ITGAD: variants seen among roughly 807,000 people sequenced by gnomAD.
The protein encoded by ITGAD is integrin alpha-D.
Under a neutral mutation model 139.0 loss-of-function variants are expected in ITGAD, and 105 were observed. The ratio of observed to expected loss-of-function variants is 0.76; its 90% CI spans 0.65 to 0.89. ITGAD has a LOEUF of 0.89. ITGAD is among the 40% of genes least tolerant of loss of function. The pLI, the probability that ITGAD is intolerant of heterozygous loss-of-function variation, is 0.00. For missense variants in ITGAD, 1,384 were observed against 1,487.3 expected, an observed-to-expected ratio of 0.93 and a Z score of 1.14; for synonymous variants, 569 against 598.3, an observed-to-expected ratio of 0.95 and a Z score of 0.71.
rs147458627 is a variant in ITGAD, at chr16:31,411,365, C to T, written c.1555C>T (p.Arg519Cys). The T allele has an allele frequency of 1.0e-4, 166 of 1,613,824 alleles. No individual in the cohort carries two copies. In the African/African-American group the frequency reaches 1.0e-3, roughly 10 times the overall value. The change falls in exon 14 of 30, where the codon CGC (arginine) becomes TGC (cysteine). Residue 519 changes from arginine (R) to cysteine (C), a missense_variant. Arg to Cys is a radical substitution (Grantham distance 180). Transcript: ENST00000389202. ...TGGTGAGCAGGGCCACCCCTGGGGC[C>T]GCTTTGGGGCAGCCCTGACAGTGTT... Reference protein sequence around the residue: ...LRGEQGHPWGRFGAALTVLGD... With the variant: ...LRGEQGHPWGCFGAALTVLGD...
At chr16:31,395,694 C>T (rs891731511) in intron 2 of ITGAD, among the ~76,000 whole-genome samples, 1 of 152,120 alleles carries the variant, frequency 6.6e-6, no homozygotes, top group African/African-American at 2.4e-5. Flanking sequence ...CTCACATTCT[C>T]CTGTCCCAGA....
chr16:31,425,886 G>T, intron 29 of ITGAD, 129 bp from the exon 30 acceptor site: 1 of 602,524 alleles, frequency 1.7e-6, no homozygotes, highest in Non-Finnish European at 3.0e-6. Context: ...TCACCATGTT[G>T]GCCAGGCTGG....
chr16:31,399,748 G>C (rs749408193), intron 5 of ITGAD, among the ~76,000 whole-genome samples: 57 of 152,202 alleles, frequency 3.7e-4, no homozygotes, highest in Non-Finnish European at 5.4e-4. Flanking sequence ...TGCAGGCAAG[G>C]GGGGTGTGGG....
chr16:31,398,006 G>A, intron 5 of ITGAD, 97 bp downstream of exon 5: 1 of 872,852 alleles, frequency 1.1e-6, no homozygotes, highest in Non-Finnish European at 1.8e-6. Context: ...TGCCCTCCCT[G>A]GAGGGCCGAG....
In ITGAD at chr16:31,403,305, C is replaced by T. The variant is rs1273524059; in HGVS notation, c.559-195C>T. On this transcript the variant is annotated intron_variant, in intron 6 of 29. Transcript: ENST00000389202. The surrounding 1 kb of genome is among the most constrained non-coding windows in gnomAD (Gnocchi z 4.4). ...CCTGGGCAACATAGTGAGACCTTGTCTCTACCAAAAACAAAACAAAACAAA... is the reference window on the plus strand; with the variant it reads ...CCTGGGCAACATAGTGAGACCTTGTTTCTACCAAAAACAAAACAAAACAAA... 9 of 603,280 alleles carry T rather than the reference C, an allele frequency of 1.5e-5. No homozygotes were observed. The highest frequency in any genetic ancestry group is 2.0e-5 in the Non-Finnish European group (7 of 351,886). 37.4% of individuals were successfully genotyped at this position (603,280 alleles called of 1,614,324 possible).
chr16:31,418,955 C>T (rs1205982549), intron 23 of ITGAD, among the ~76,000 whole-genome samples: 69 of 143,830 alleles, frequency 4.8e-4, no homozygotes, highest in East Asian at 2.1e-4. Context: ...ATCCGGGAGG[C>T]GGAGGTTGCA....
chr16:31,410,180 C>T (rs1203133936), intron 10 of ITGAD, among the ~76,000 whole-genome samples: 17 of 152,074 alleles, frequency 1.1e-4, no homozygotes, highest in Admixed American at 1.1e-3. Context: ...CAGTGGTGAG[C>T]ACAGCGGGGG....
At chr16:31,412,103 T>C (rs1032069231) in intron 14 of ITGAD, among the ~76,000 whole-genome samples, 1 of 150,892 alleles carries the variant, frequency 6.6e-6, no homozygotes, top group Non-Finnish European at 1.5e-5. Flanking sequence ...AGAGTCTCAC[T>C]CTGTCGCCCA....
intron 5 of ITGAD, among the ~76,000 whole-genome samples, chr16:31,399,482 G>C (rs1597110239): frequency 6.6e-6 from 1 of 152,134 alleles, no homozygotes; most frequent in African/African-American, 2.4e-5. Context: ...AGGCATGCTG[G>C]GCCTTTAGAC....
intron 20 of ITGAD, among the ~76,000 whole-genome samples, chr16:31,416,906 T>C (rs1424325943): frequency 6.6e-6 from 1 of 150,926 alleles, no homozygotes; most frequent in Admixed American, 6.6e-5. Context: ...CCTGTTTACC[T>C]TTCCCCATCA....
In ITGAD at chr16:31,393,545, A is replaced by G. The variant is rs189353991; in HGVS notation, c.31+154A>G. ...CATGTGCGAGTGGCCCGGAGTCAGT[A>G]GAGTGTGACCTGAATGAAGAGGGGC... On this transcript the variant is annotated intron_variant, in intron 1 of 29. Coordinates refer to ENST00000389202, the MANE Select transcript of ITGAD (RefSeq NM_005353.3). Among the ~76,000 whole-genome samples the G allele has an allele frequency of 4.9e-3, 750 of 152,194 alleles. 7 individuals carry two copies. Among genetic ancestry groups the G allele is most frequent in the African/African-American group, 0.017 (715 of 41,528 alleles).
intron 7 of ITGAD, among the ~76,000 whole-genome samples, chr16:31,406,707 G>A (rs1387645083): frequency 6.6e-6 from 1 of 152,166 alleles, no homozygotes; most frequent in African/African-American, 2.4e-5. Context: ...AAGTGCAAAA[G>A]CCGAAGAAAC....
chr16:31,407,316 T>G (rs1398072612), intron 7 of ITGAD, among the ~76,000 whole-genome samples, 199 bp from the exon 8 acceptor site: 2 of 152,186 alleles, frequency 1.3e-5, no homozygotes, highest in Admixed American at 6.5e-5. Flanking sequence ...ATCACGCCAC[T>G]GCACTCCAGA....
In ITGAD at chr16:31,403,399, T is replaced by C. The variant is rs1361517276; in HGVS notation, c.559-101T>C. On this transcript the variant is annotated intron_variant, in intron 6 of 29. Coordinates refer to ENST00000389202, the MANE Select transcript of ITGAD (RefSeq NM_005353.3). The surrounding 1 kb of genome is among the most constrained non-coding windows in gnomAD (Gnocchi z 4.4). ...TTGGAGGCTGAGGCAGGAGGATCAC[T>C]TGAGGCCAGGAGTTTGAGAGACCCT... 5 of 1,398,734 alleles carry C rather than the reference T, an allele frequency of 3.6e-6. No individual in the cohort carries two copies. The highest frequency in any genetic ancestry group is 4.9e-6 in the Non-Finnish European group (5 of 1,010,874). 86.6% of individuals were successfully genotyped at this position (1,398,734 alleles called of 1,614,324 possible).
At chr16:31,402,004 G>T (rs1283809748) in intron 5 of ITGAD, 111 bp from the exon 6 acceptor site, 1 of 1,275,314 alleles carries the variant, frequency 7.8e-7, no homozygotes, top group Non-Finnish European at 1.1e-6. Context: ...AGGAGGGGTC[G>T]GAAACTAGGT....
chr16:31,426,269 T>C lies in ITGAD; in HGVS notation c.*141T>C. The stretch of plus-strand genomic sequence containing the variant: ...GGTGCTAAGCACCTTCTCGGAGAGA[T>C]AGAGATTGTAATGTTTTTACATATC... On this transcript the variant is annotated 3_prime_UTR_variant, in exon 30 of 30. Transcript: ENST00000389202. 2 of 604,822 alleles carry C rather than the reference T, an allele frequency of 3.3e-6. No individual in the cohort carries two copies. Among genetic ancestry groups the C allele is most frequent in the Non-Finnish European group, 6.0e-6 (2 of 333,562 alleles). 37.5% of individuals were successfully genotyped at this position (604,822 alleles called of 1,614,324 possible).
In ITGAD at chr16:31,416,521, G is replaced by A. The variant is rs770540502; in HGVS notation, c.2374G>A (p.Val792Met). ...LSFSGLQTLT[V>M]GSSLELNVIV... ...CCCCTTCAGCCTGCAGACCCTGACC[G>A]TGGGGAGCTCCCTGGAGCTCAACGT... Residue 792 changes from valine to methionine, a missense_variant, in exon 20 of 30, where the codon GTG (valine) becomes ATG (methionine). Val to Met is a conservative substitution (Grantham distance 21). Transcript: ENST00000389202. 1.2e-5 allele frequency: 20 copies of A among 1,612,034 alleles called. No homozygotes were observed. The highest frequency in any genetic ancestry group is 5.5e-5 in the South Asian group (5 of 91,050).
intron 5 of ITGAD, among the ~76,000 whole-genome samples, chr16:31,399,838 T>C (rs2081360259): frequency 6.6e-6 from 1 of 152,140 alleles, no homozygotes; most frequent in Admixed American, 6.6e-5. Flanking sequence ...AATCACCTTA[T>C]TGCATCCTCA....
In ITGAD at chr16:31,410,785, G is replaced by T. The variant is rs2081676737; in HGVS notation, c.1263G>T (p.Leu421=). ...GGAAGGGGGTACAGAACCTGGTCCT[G>T]GGGGCCCCCCGCTACCAGCATACCG... The part of the protein sequence containing the change: ...ALWKGVQNLV[L]GAPRYQHTGK... The change falls in exon 12 of 30, where the codon CTG becomes CTT. Residue 421 remains leucine, a synonymous_variant. Transcript: ENST00000389202. 1.9e-6 allele frequency: 3 copies of T among 1,613,716 alleles called. No homozygotes were observed. Among genetic ancestry groups the T allele is most frequent in the Non-Finnish European group, 2.5e-6 (3 of 1,179,866 alleles).
Sources: allele counts gnomAD v4.1 joint callset (sites outside exome capture counted in the v4.1 genomes callset), GRCh38; gene constraint gnomAD v4.1.1; non-coding constraint Gnocchi (gnomAD v3.1); transcripts MANE v1.5; gene names NCBI Gene and HGNC (gene_info 2026-07-23, HGNC 2026-07-21).